Variants in SLC12A1 observed in about 807,000 individuals in gnomAD.
SLC12A1 encodes the protein solute carrier family 12 member 1.
In SLC12A1, 89 loss-of-function variants were observed where a neutral mutation model predicts 130.4. The observed-to-expected ratio is 0.68, with a 90% CI of 0.58 to 0.81. SLC12A1 has a LOEUF of 0.81. Among genes scored for constraint, SLC12A1 ranks in the 40% least tolerant of loss-of-function variants. The probability of loss-of-function intolerance (pLI) is 0.00; values close to 1 mark genes in which losing one functional copy is unlikely to be tolerated. For missense variants in SLC12A1, 1,310 were observed against 1,336.4 expected (o/e 0.98, Z 0.31); for synonymous variants, 499 against 460.0 (o/e 1.08, Z -1.09).
chr15:48,221,331 T>G (rs1179761607), intron 4 of SLC12A1: 1 of 701,852 alleles, frequency 1.4e-6, no homozygotes, highest in East Asian at 2.7e-5. Flanking sequence ...GCCTCTCATT[T>G]GTTACAGAGT....
Position 48,228,851 on chromosome 15 carries a change from C to T in SLC12A1, c.725-338C>T, listed in dbSNP as rs150625556. 9.7e-4 allele frequency: 169 copies of T among 174,330 alleles called. 1 individual carries two copies. Among genetic ancestry groups the T allele is most frequent in the African/African-American group, 3.8e-3 (162 of 42,272 alleles). 10.8% of individuals were successfully genotyped at this position (174,330 alleles called of 1,614,324 possible). On this transcript the variant is annotated intron_variant, in intron 5 of 26. Coordinates refer to ENST00000380993, the MANE Select transcript of SLC12A1 (RefSeq NM_000338.3). Reference sequence around the variant, plus strand: ...TGGAAATTTTTTATATAAAATTTTACTTCAGTTGCATTATTAATTTGAATA... The same window carrying T: ...TGGAAATTTTTTATATAAAATTTTATTTCAGTTGCATTATTAATTTGAATA...
chr15:48,275,503 A>C (rs927873529), intron 20 of SLC12A1, among the ~76,000 whole-genome samples: 2 of 152,296 alleles, frequency 1.3e-5, no homozygotes. Flanking sequence ...GGAAAGAAAG[A>C]AGGGGCACCT....
chr15:48,267,798 A>G, intron 18 of SLC12A1, 97 bp downstream of exon 18: 2 of 1,339,690 alleles, frequency 1.5e-6, no homozygotes, highest in Non-Finnish European at 2.1e-6. Flanking sequence ...TTAGGCAGCC[A>G]AGCATCAGAG....
chr15:48,248,271 C>A (rs542352304), intron 13 of SLC12A1, among the ~76,000 whole-genome samples: 3 of 152,218 alleles, frequency 2.0e-5, no homozygotes, highest in Non-Finnish European at 4.4e-5. Flanking sequence ...ATCCTCATAG[C>A]ATTTGTATGA....
At chr15:48,247,853 G>C (rs1177309872) in intron 13 of SLC12A1, among the ~76,000 whole-genome samples, 3 of 152,132 alleles carry the variant, frequency 2.0e-5, no homozygotes, top group Non-Finnish European at 2.9e-5. Flanking sequence ...GCAATCACCT[G>C]GGGTGTTTGG....
chr15:48,263,043 T>C (rs2041793208), intron 17 of SLC12A1, among the ~76,000 whole-genome samples: 1 of 152,204 alleles, frequency 6.6e-6, no homozygotes, highest in Non-Finnish European at 1.5e-5. Context: ...TACCTGTAAT[T>C]CTCTGGGCAC....
At chr15:48,252,652 T>C (rs1213706725) in intron 15 of SLC12A1, among the ~76,000 whole-genome samples, 1 of 152,092 alleles carries the variant, frequency 6.6e-6, no homozygotes, top group African/African-American at 2.4e-5. Context: ...AAACACTCAG[T>C]GGACATTTAA....
At position 48,259,438 on chromosome 15, in the gene SLC12A1, C is replaced by A. The variant is rs748179968; in HGVS notation, c.2154+127C>A. The A allele has an allele frequency of 2.0e-5, 14 of 712,998 alleles. No individual in the cohort carries two copies. In the East Asian group the frequency reaches 3.1e-4, roughly 16 times the overall value. The allele number at this position is 712,998 out of a possible 1,614,324, so 44.2% of individuals were successfully genotyped here. On this transcript the variant is annotated intron_variant, in intron 17 of 26. Coordinates refer to ENST00000380993, the MANE Select transcript of SLC12A1 (RefSeq NM_000338.3). The stretch of plus-strand genomic sequence containing the variant: ...AAAAAACAGTTTATAGGAGAGCCCT[C>A]TACCTTGATTCATAGAGCAAGGACA...
Position 48,274,627 on chromosome 15 carries a change from A to C in SLC12A1, c.2459A>C (p.Asp820Ala). ...ATAGTCAGAATCAGCCAAGGATTTG[A>C]CATCTCTCAGGTTCTTCAGGTGCAA... Reference protein sequence around the residue: ...VVIVRISQGFDISQVLQVQEE... With the variant: ...VVIVRISQGFAISQVLQVQEE... Residue 820 changes from aspartate to alanine, a missense_variant, in exon 20 of 27, where the codon GAC (aspartate) becomes GCC (alanine). Asp to Ala is a moderately radical substitution (Grantham distance 126). Transcript: ENST00000380993. 1 of 1,612,872 alleles carries C rather than the reference A, an allele frequency of 6.2e-7. No homozygotes were observed.
intron 5 of SLC12A1, 121 bp downstream of exon 5, chr15:48,226,692 G>A: frequency 1.4e-6 from 1 of 691,722 alleles, no homozygotes; most frequent in Admixed American, 2.7e-5. Context: ...TGGCTATTTG[G>A]AGGAGCTGGA....
intron 5 of SLC12A1, chr15:48,226,812 C>T (rs768020708): frequency 1.7e-6 from 1 of 590,250 alleles, no homozygotes; most frequent in Non-Finnish European, 3.0e-6. Flanking sequence ...TGTGCACCTT[C>T]CTTAGGTAAA....
chr15:48,240,654 G>A (rs1230435763), intron 9 of SLC12A1, among the ~76,000 whole-genome samples: 1 of 152,012 alleles, frequency 6.6e-6, no homozygotes, highest in Non-Finnish European at 1.5e-5. Flanking sequence ...CTGGTGGGGG[G>A]ACTCATACCT....
At chr15:48,217,547 A>T (rs1250389930) in intron 2 of SLC12A1, among the ~76,000 whole-genome samples, 2 of 152,236 alleles carry the variant, frequency 1.3e-5, no homozygotes, top group East Asian at 3.9e-4. Context: ...ATTAACTTCA[A>T]TCTCCTCTGT....
intron 2 of SLC12A1, among the ~76,000 whole-genome samples, chr15:48,216,436 C>T (rs1481613719): frequency 1.3e-5 from 2 of 152,182 alleles, no homozygotes; most frequent in Admixed American, 1.3e-4. Context: ...GGGTCACAAT[C>T]ACCATTGGAG....
At chr15:48,232,342 G>A (rs2041391447) in intron 7 of SLC12A1, among the ~76,000 whole-genome samples, 1 of 152,150 alleles carries the variant, frequency 6.6e-6, no homozygotes, top group Non-Finnish European at 1.5e-5. Flanking sequence ...TTAGCACTGG[G>A]AACAGAAACA....
intron 15 of SLC12A1, among the ~76,000 whole-genome samples, chr15:48,254,210 TC>T (rs78947220): frequency 0.12 from 17,824 of 151,988 alleles, 2,706 homozygotes; most frequent in African/African-American, 0.33. Context: ...CTTTTTCTTA[TC>T]CAGAGTCACA....
chr15:48,253,273 C>T (rs1443791980), intron 15 of SLC12A1, among the ~76,000 whole-genome samples: 1 of 152,198 alleles, frequency 6.6e-6, no homozygotes, highest in Non-Finnish European at 1.5e-5. Flanking sequence ...TCGTACAGTG[C>T]TGTAACCGTC....
In SLC12A1 at chr15:48,255,897, G is replaced by T; in HGVS notation, c.2029G>T (p.Val677Leu). The T allele has an allele frequency of 6.3e-7, 1 of 1,593,222 alleles. No homozygotes were observed. The highest frequency in any genetic ancestry group is 8.6e-7 in the Non-Finnish European group (1 of 1,168,736). Residue 677 changes from valine (V) to leucine (L), a missense_variant, in exon 16 of 27, where the codon GTA becomes TTA. Transcript: ENST00000380993. ...GGAATTAACCACAGTGGAAGACCAC[G>T]TAAAAAACTTCAGGTAAAGCTGGTG... Reference protein sequence around the residue: ...ALELTTVEDHVKNFRPQCIVL... With the variant: ...ALELTTVEDHLKNFRPQCIVL...
At chr15:48,223,140 C>T (rs1479614684) in intron 4 of SLC12A1, 1 of 152,162 alleles carries the variant, frequency 6.6e-6, no homozygotes, top group Non-Finnish European at 1.5e-5. Flanking sequence ...AATTCCTACC[C>T]AATGAATTCT....
Sources: allele counts gnomAD v4.1 joint callset (sites outside exome capture counted in the v4.1 genomes callset), GRCh38; gene constraint gnomAD v4.1.1; transcripts MANE v1.5; gene names NCBI Gene and HGNC (gene_info 2026-07-23, HGNC 2026-07-21).